HGF: variants seen among roughly 807,000 people sequenced by gnomAD.
The protein encoded by HGF is fibroblast-derived tumor cytotoxic factor.
Under a neutral mutation model 111.6 loss-of-function variants are expected in HGF, and 39 were observed. The observed-to-expected ratio is 0.35, with a 90% CI of 0.27 to 0.46. The LOEUF is 0.46. HGF is among the 20% of genes least tolerant of loss of function. The probability of loss-of-function intolerance (pLI) is 1.00; values close to 1 mark genes in which losing one functional copy is unlikely to be tolerated. For missense variants in HGF, 735 were observed against 910.5 expected (o/e 0.81, Z 2.48); for synonymous variants, 285 against 294.8 (o/e 0.97, Z 0.34).
intron 1 of HGF, among the ~76,000 whole-genome samples, chr7:81,765,975 T>C (rs1229874896): frequency 6.6e-6 from 1 of 152,206 alleles, no homozygotes; most frequent in African/African-American, 2.4e-5. Context: ...TGTCATGCTT[T>C]CCTGTGCTTT....
intron 13 of HGF, 101 bp from the exon 14 acceptor site, chr7:81,707,465 T>C (rs1372004590): frequency 9.7e-6 from 7 of 722,252 alleles, no homozygotes; most frequent in Non-Finnish European, 1.5e-5. Flanking sequence ...ATAAATACAC[T>C]GCAGAGGAAA....
chr7:81,702,471 C>G lies in HGF; in HGVS notation c.*110G>C. 5 of 852,486 alleles carry G rather than the reference C, an allele frequency of 5.9e-6. No individual in the cohort carries two copies. Among genetic ancestry groups the G allele is most frequent in the Non-Finnish European group, 3.9e-6 (2 of 512,268 alleles). The allele number at this position is 852,486 out of a possible 1,614,324, so 52.8% of individuals were successfully genotyped here. A position where few individuals can be genotyped will look rare whatever the true frequency, so the allele number is the denominator to read the frequency against. On this transcript the variant is annotated 3_prime_UTR_variant, in exon 18 of 18. Coordinates refer to ENST00000222390, the MANE Select transcript of HGF (RefSeq NM_000601.6). ...GAGAATTTCAACAAACATGACTCTC[C>G]AGTAGTTGTCTTAGGATTGTTGTAA...
intron 7 of HGF, among the ~76,000 whole-genome samples, chr7:81,729,995 T>C (rs1002240500): frequency 2.6e-5 from 4 of 152,160 alleles, no homozygotes; most frequent in Admixed American, 6.5e-5. Flanking sequence ...AGTTTTTTCT[T>C]GAAAAGTTAC....
At chr7:81,707,853 T>C (rs1249078823) in intron 13 of HGF, among the ~76,000 whole-genome samples, 1 of 152,152 alleles carries the variant, frequency 6.6e-6, no homozygotes, top group Non-Finnish European at 1.5e-5. Flanking sequence ...ACTACCATTA[T>C]GTAGTTTTGA....
At chr7:81,739,500 T>C (rs1320126048) in intron 7 of HGF, among the ~76,000 whole-genome samples, 1 of 152,134 alleles carries the variant, frequency 6.6e-6, no homozygotes, top group Non-Finnish European at 1.5e-5. Flanking sequence ...CCATAAATTA[T>C]AAACAGCATG....
chr7:81,765,009 T>G (rs1389078278), intron 1 of HGF, among the ~76,000 whole-genome samples: 1 of 152,088 alleles, frequency 6.6e-6, no homozygotes, highest in African/African-American at 2.4e-5. Flanking sequence ...ATAGAAGAGT[T>G]TTATACACGT....
At chr7:81,736,625 A>T in intron 7 of HGF, 1 of 427,838 alleles carries the variant, frequency 2.3e-6, no homozygotes. Flanking sequence ...AGTAGCTGCC[A>T]ACTAGGTAAG....
At chr7:81,713,989 C>CGTGTGTGTGTGTGTGTGTGTGT (rs10539468) in intron 11 of HGF, among the ~76,000 whole-genome samples, 1 of 142,320 alleles carries the variant, frequency 7.0e-6, no homozygotes, top group Non-Finnish European at 1.5e-5. Context: ...GGTGTGTGTG[C>CGTGTGTGTGTGTGTGTGTGTGT]GTGTGTGTGT....
rs1477236187 is a variant in HGF at position 81,729,788 on chromosome 7, A to G, written c.866-9T>C. On this transcript the variant is annotated splice_polypyrimidine_tract_variant and intron_variant, in intron 7 of 17. Transcript: ENST00000222390. ...ATTCATAGTATTGTCAGCTATTGGC[A>G]AAAAACAACAACAAAAAAAAACTTA... The G allele has an allele frequency of 6.6e-7, 1 of 1,518,726 alleles. No individual in the cohort carries two copies. Among genetic ancestry groups the G allele is most frequent in the Non-Finnish European group, 8.7e-7 (1 of 1,144,866 alleles). The allele number at this position is 1,518,726 out of a possible 1,614,324, so 94.1% of individuals were successfully genotyped here. A position where few individuals can be genotyped will look rare whatever the true frequency, so the allele number is the denominator to read the frequency against.
At chr7:81,716,191 G>A (rs1789708546) in intron 11 of HGF, among the ~76,000 whole-genome samples, 1 of 152,126 alleles carries the variant, frequency 6.6e-6, no homozygotes, top group Admixed American at 6.6e-5. Flanking sequence ...CTTGGGGCAG[G>A]TGTCATGCTA....
intron 5 of HGF, among the ~76,000 whole-genome samples, chr7:81,748,663 TAAAAC>T (rs10654214): frequency 2.7e-4 from 41 of 150,190 alleles, no homozygotes; most frequent in East Asian, 8.0e-4. Flanking sequence ...AGTTCTCCTC[TAAAAC>T]AAAACAAAAC....
intron 5 of HGF, among the ~76,000 whole-genome samples, chr7:81,749,670 A>G (rs1391697272): frequency 2.0e-5 from 3 of 152,042 alleles, no homozygotes; most frequent in Admixed American, 6.6e-5. Context: ...GATCTATTGA[A>G]CTTATTCCTC....
At chr7:81,762,315 A>G (rs2116235674) in intron 2 of HGF, among the ~76,000 whole-genome samples, 1 of 152,344 alleles carries the variant, frequency 6.6e-6, no homozygotes, top group African/African-American at 2.4e-5. Flanking sequence ...AAGATGAAGT[A>G]AATTTTGGCT....
intron 9 of HGF, among the ~76,000 whole-genome samples, chr7:81,721,130 C>T (rs978960141): frequency 6.6e-6 from 1 of 152,096 alleles, no homozygotes. Context: ...GCCTGTAGTC[C>T]CAGCTACTCG....
intron 7 of HGF, chr7:81,736,787 C>T: frequency 2.2e-6 from 1 of 460,922 alleles, no homozygotes; most frequent in Non-Finnish European, 4.4e-6. Flanking sequence ...TATATGAAGT[C>T]ACATATAAGG....
rs763933267 is a variant in HGF, at chr7:81,702,663, C to A, written c.2105G>T (p.Arg702Leu). 3 of 1,611,328 alleles carry A rather than the reference C, an allele frequency of 1.9e-6. No individual in the cohort carries two copies. Among genetic ancestry groups the A allele is most frequent in the Non-Finnish European group, 2.5e-6 (3 of 1,178,180 alleles). ...VPGRGCAIPN[R>L]PGIFVRVAYY... is the part of the protein sequence containing the mutation. ...TGCTACTCGGACAAAAATACCAGGA[C>A]GATTTGGAATGGCACATCCACGACC... The change falls in exon 18 of 18, where the codon CGT becomes CTT. Residue 702 changes from arginine to leucine, a missense_variant. Arg to Leu is a moderately radical substitution (Grantham distance 102). Around this residue, in one of 3 missense-constraint regions of HGF, gnomAD observed 52 missense variants for 95.0 expected, o/e 0.55. Coordinates refer to ENST00000222390, the MANE Select transcript of HGF (RefSeq NM_000601.6).
At position 81,706,317 on chromosome 7, in the gene HGF, C is replaced by A. The variant is rs1310401547; in HGVS notation, c.1727G>T (p.Gly576Val). ...NVSQLVYGPE[G>V]SDLVLMKLAR... Reference sequence around the variant, plus strand: ...AAGCTTCATTAAAACCAGATCTGATCCTTCAGGGCCATATACCAGCTGGGA... The same window carrying A: ...AAGCTTCATTAAAACCAGATCTGATACTTCAGGGCCATATACCAGCTGGGA... The change falls in exon 15 of 18, where the codon GGA becomes GTA. Residue 576 changes from glycine to valine, a missense_variant. By Grantham distance (109) the Gly-to-Val change is moderately radical (BLOSUM62 -3). Around this residue, in one of 3 missense-constraint regions of HGF, gnomAD observed 130 missense variants for 129.9 expected, o/e 1.00. Coordinates refer to ENST00000222390, the MANE Select transcript of HGF (RefSeq NM_000601.6). 7.4e-6 allele frequency: 12 copies of A among 1,612,816 alleles called. No individual in the cohort carries two copies. Among genetic ancestry groups the A allele is most frequent in the East Asian group, 2.2e-5 (1 of 44,830 alleles).
intron 8 of HGF, among the ~76,000 whole-genome samples, chr7:81,726,545 T>C (rs1790017466): frequency 6.6e-6 from 1 of 152,210 alleles, no homozygotes. Flanking sequence ...ATTTCTTTGA[T>C]TTATTTAATT....
intron 2 of HGF, among the ~76,000 whole-genome samples, chr7:81,762,460 G>A (rs934305200): frequency 2.6e-5 from 4 of 152,140 alleles, no homozygotes; most frequent in African/African-American, 9.7e-5. Flanking sequence ...CTCATCAGAT[G>A]AGAAAACAAA....
Sources: gnomAD v4.1 joint callset for allele counts (sites outside exome capture counted in the v4.1 genomes callset) on GRCh38, gnomAD v4.1.1 for gene constraint, gnomAD v4.1.1 regional missense constraint, MANE v1.5 for transcripts, NCBI Gene and HGNC (gene_info 2026-07-23, HGNC 2026-07-21) for gene names.